CLIC6: variants seen among roughly 807,000 people sequenced by gnomAD.
The protein encoded by CLIC6 is CLIC family member 6.
CLIC6 carries 39 observed loss-of-function variants against 49.2 expected under a neutral mutation model. That is an observed-to-expected ratio of 0.79 (90% CI 0.61 to 1.04). The LOEUF is 1.04. CLIC6 is among the 50% of genes least tolerant of loss of function. The probability of loss-of-function intolerance (pLI) is 0.00; values close to 1 mark genes in which losing one functional copy is unlikely to be tolerated. For missense variants in CLIC6, 988 were observed against 993.1 expected (o/e 0.99, Z 0.07); for synonymous variants, 446 against 433.4 (o/e 1.03, Z -0.36).
At position 34,670,602 on chromosome 21, in the gene CLIC6, G is replaced by T. The variant is rs1989538062; in HGVS notation, c.1214G>T (p.Gly405Val). The T allele has an allele frequency of 6.5e-7, 1 of 1,538,670 alleles. No homozygotes were observed. The highest frequency in any genetic ancestry group is 8.7e-7 in the Non-Finnish European group (1 of 1,143,132). Residue 405 changes from glycine (G) to valine (V), a missense_variant, in exon 1 of 6, where the codon GGC becomes GTC. This residue lies in a region of CLIC6 where 647 missense variants were observed against 596.9 expected (regional missense o/e 1.08). Coordinates refer to ENST00000349499, the MANE Select transcript of CLIC6 (RefSeq NM_053277.3). ...AGCCCACATGGGGAGGCCTCCAGGG[G>T]CGCCGCGGAGCCTGAGGCCCAGCTC... ...DSSPHGEASRGAAEPEAQLSN... is the reference protein window; with the variant it reads ...DSSPHGEASRVAAEPEAQLSN...
At chr21:34,715,498 G>A (rs891366590) in intron 5 of CLIC6, among the ~76,000 whole-genome samples, 2 of 152,244 alleles carry the variant, frequency 1.3e-5, no homozygotes, top group Non-Finnish European at 2.9e-5. Flanking sequence ...GAGGATCCAT[G>A]ACCCTGCTGA....
intron 1 of CLIC6, among the ~76,000 whole-genome samples, chr21:34,696,732 C>T (rs1414394863): frequency 6.6e-6 from 1 of 152,188 alleles, no homozygotes; most frequent in Non-Finnish European, 1.5e-5. Context: ...TCATCATTAC[C>T]ATTATTATTT....
intron 1 of CLIC6, among the ~76,000 whole-genome samples, chr21:34,690,711 C>A (rs1989976422): frequency 6.6e-6 from 1 of 152,082 alleles, no homozygotes; most frequent in Admixed American, 6.5e-5. Context: ...AAACAGGAGC[C>A]TTTGAATATC....
chr21:34,717,438 T>C lies in CLIC6; in HGVS notation c.*956T>C, dbSNP rs2145824830. On this transcript the variant is annotated 3_prime_UTR_variant, in exon 6 of 6. Coordinates refer to ENST00000349499, the MANE Select transcript of CLIC6 (RefSeq NM_053277.3). ...CTTCTCTGCCCTTCATTGTCTCATC[T>C]AGACATCAAGCAGGGAAAATCCAGG... is the stretch of plus-strand genomic sequence containing the variant. 1 of 152,330 alleles carries C rather than the reference T, an allele frequency of 6.6e-6. No homozygotes were observed. Among genetic ancestry groups the C allele is most frequent in the Middle Eastern group, 3.4e-3 (1 of 294 alleles). The allele number at this position is 152,330 out of a possible 1,614,324, so 9.4% of individuals were successfully genotyped here.
At chr21:34,680,921 G>C (rs141071528) in intron 1 of CLIC6, among the ~76,000 whole-genome samples, 2,888 of 152,224 alleles carry the variant, frequency 0.019, 97 homozygotes, top group African/African-American at 0.066. Context: ...CCCACATTTT[G>C]CTGTCTTCTT....
In CLIC6 at chr21:34,670,033, G is replaced by A. The variant is rs1304942194; in HGVS notation, c.645G>A (p.Pro215=). ...GGGACAACATACAAGCCGAGGGCCC[G>A]GCGGGGGACAGCGTAGACGCGGAGG... ...PLGDNIQAEG[P]AGDSVDAEGR... Residue 215 remains proline, a synonymous_variant, in exon 1 of 6, where the codon CCG becomes CCA. Transcript: ENST00000349499. 7.2e-7 allele frequency: 1 copy of A among 1,385,532 alleles called. No homozygotes were observed. Among genetic ancestry groups the A allele is most frequent in the South Asian group, 1.7e-5 (1 of 60,204 alleles). 85.8% of individuals were successfully genotyped at this position (1,385,532 alleles called of 1,614,324 possible).
At chr21:34,688,139 A>AT (rs1989916916) in intron 1 of CLIC6, among the ~76,000 whole-genome samples, 3 of 152,240 alleles carry the variant, frequency 2.0e-5, no homozygotes, top group African/African-American at 7.2e-5. Context: ...GACTTACAAG[A>AT]AGTGTGATGC....
rs142890151 is a variant in CLIC6, at chr21:34,708,751, C to T, written c.1662C>T (p.Asp554=). 5.3e-5 allele frequency: 86 copies of T among 1,614,144 alleles called. No individual in the cohort carries two copies. The African/African-American group carries it at 7.1e-4, about 13-fold the overall frequency. ...QHPESNSAGN[D]VFAKFSAFIK... ...CCGAATCTAATTCCGCAGGAAATGA[C>T]GTGTTTGCCAAATTCTCAGCGTTTA... is the stretch of plus-strand genomic sequence containing the variant. Residue 554 remains aspartate (D), a synonymous_variant, in exon 4 of 6, where the codon GAC becomes GAT. Transcript: ENST00000349499.
chr21:34,677,899 A>AC (rs1395988690), intron 1 of CLIC6, among the ~76,000 whole-genome samples: 44 of 152,190 alleles, frequency 2.9e-4, no homozygotes, highest in Non-Finnish European at 4.9e-4. Flanking sequence ...ACAACCTAAG[A>AC]ATGACTTATG....
intron 1 of CLIC6, among the ~76,000 whole-genome samples, chr21:34,685,514 G>A (rs1601267476): frequency 6.6e-6 from 1 of 152,228 alleles, no homozygotes; most frequent in African/African-American, 2.4e-5. Context: ...AAAGAACCTT[G>A]GAAAGACTTA....
chr21:34,678,629 G>T (rs1340542091), intron 1 of CLIC6, among the ~76,000 whole-genome samples: 1 of 152,010 alleles, frequency 6.6e-6, no homozygotes, highest in Non-Finnish European at 1.5e-5. Flanking sequence ...TCTATATATT[G>T]TTAGAAATGG....
chr21:34,702,958 A>C (rs1260982879), intron 1 of CLIC6, among the ~76,000 whole-genome samples: 1 of 151,882 alleles, frequency 6.6e-6, no homozygotes, highest in Admixed American at 6.6e-5. Flanking sequence ...TCCTCTGGTC[A>C]CCTACTGTTT....
chr21:34,707,732 T>C (rs955070932), intron 2 of CLIC6, among the ~76,000 whole-genome samples: 1 of 152,170 alleles, frequency 6.6e-6, no homozygotes, highest in African/African-American at 2.4e-5. Flanking sequence ...CCCTTTGTGC[T>C]CCGTATTCAC....
chr21:34,688,552 C>T (rs1217470050), intron 1 of CLIC6, among the ~76,000 whole-genome samples: 3 of 152,216 alleles, frequency 2.0e-5, no homozygotes, highest in South Asian at 2.1e-4. Context: ...GATGGCTTGA[C>T]GCCTGCTCCA....
At chr21:34,682,801 A>ATTTTTTTTTTTTTTTTTTTTT (rs1172251761) in intron 1 of CLIC6, among the ~76,000 whole-genome samples, 1 of 69,272 alleles carries the variant, frequency 1.4e-5, no homozygotes, top group African/African-American at 6.5e-5. Context: ...CTTTCCCTCC[A>ATTTTTTTTTTTTTTTTTTTTT]TTTTTTTTTT....
chr21:34,682,291 G>A (rs759383532), intron 1 of CLIC6, among the ~76,000 whole-genome samples: 3 of 152,134 alleles, frequency 2.0e-5, no homozygotes, highest in Non-Finnish European at 2.9e-5. Context: ...TCAGTGCCAT[G>A]CTTATTTCCA....
intron 5 of CLIC6, among the ~76,000 whole-genome samples, chr21:34,713,260 A>G (rs1320530567): frequency 6.6e-6 from 1 of 152,210 alleles, no homozygotes; most frequent in Admixed American, 6.5e-5. Flanking sequence ...TCTTACAGAA[A>G]TTTTTCTACA....
At position 34,670,437 on chromosome 21, in the gene CLIC6, C is replaced by A; in HGVS notation, c.1049C>A (p.Ala350Glu). The A allele has an allele frequency of 6.8e-7, 1 of 1,465,802 alleles. No individual in the cohort carries two copies. The highest frequency in any genetic ancestry group is 2.6e-5 in the East Asian group (1 of 38,952). 90.8% of individuals were successfully genotyped at this position (1,465,802 alleles called of 1,614,324 possible). The change falls in exon 1 of 6, where the codon GCA becomes GAA. Residue 350 changes from alanine (A) to glutamate (E), a missense_variant. Physicochemically the swap from Ala to Glu is moderately radical, Grantham distance 107. Coordinates refer to ENST00000349499, the MANE Select transcript of CLIC6 (RefSeq NM_053277.3). ...TCCGAAGAAGCGGCCCCCGGGGACG[C>A]AAGGGCAGACGCTGGCGAGGACAGG... ...KGSEEAAPGD[A>E]RADAGEDRVG...
chr21:34,679,433 C>T (rs1248636181), intron 1 of CLIC6, among the ~76,000 whole-genome samples: 1 of 152,154 alleles, frequency 6.6e-6, no homozygotes, highest in Non-Finnish European at 1.5e-5. Flanking sequence ...GGAGACATAG[C>T]CAAACCGTAT....
Sources: gnomAD v4.1 joint callset for allele counts (sites outside exome capture counted in the v4.1 genomes callset) on GRCh38, gnomAD v4.1.1 for gene constraint, gnomAD v4.1.1 regional missense constraint, MANE v1.5 for transcripts, NCBI Gene and HGNC (gene_info 2026-07-23, HGNC 2026-07-21) for gene names.